WWOX: variants seen among roughly 807,000 people sequenced by gnomAD.
WWOX encodes the protein WW domain containing oxidoreductase.
A neutral mutation model predicts 46.2 loss-of-function variants in WWOX; 69 were observed. The ratio of observed to expected loss-of-function variants is 1.49; its 90% CI spans 1.23 to 1.82. The LOEUF (loss-of-function observed/expected upper bound fraction) is 1.82, where lower values mean the gene tolerates loss of function less well. WWOX is among the 40% of genes most tolerant of loss of function. The probability of loss-of-function intolerance (pLI) is 0.00; values close to 1 mark genes in which losing one functional copy is unlikely to be tolerated. For missense variants in WWOX, 919 were observed against 542.6 expected (o/e 1.69, Z -6.89); for synonymous variants, 359 against 202.6 (o/e 1.77, Z -6.56).
At chr16:78,211,867 G>C (rs1161920633) in intron 5 of WWOX, among the ~76,000 whole-genome samples, 2 of 152,128 alleles carry the variant, frequency 1.3e-5, no homozygotes, top group African/African-American at 4.8e-5. Flanking sequence ...TGGAAAGAAC[G>C]AGGTTCAAAT....
chr16:78,973,864 A>G (rs2151325961), intron 8 of WWOX, among the ~76,000 whole-genome samples: 1 of 152,326 alleles, frequency 6.6e-6, no homozygotes, highest in Non-Finnish European at 1.5e-5. Context: ...TGGAAAACGG[A>G]AATTTCTATC....
rs1324729509 is a variant in WWOX, at chr16:79,212,029, G to A, written c.*233G>A. The A allele has an allele frequency of 1.3e-6, 2 of 1,536,238 alleles. No homozygotes were observed. Among genetic ancestry groups the A allele is most frequent in the African/African-American group, 1.4e-5 (1 of 73,160 alleles). On this transcript the variant is annotated 3_prime_UTR_variant, in exon 9 of 9. Transcript: ENST00000566780. The stretch of plus-strand genomic sequence containing the variant: ...CTAGGCATAGGTCTCTTTGCTTTCT[G>A]GTGGTGGCCTGTTTGAAAGTAAAAA...
At chr16:78,213,683 G>A (rs1294329922) in intron 5 of WWOX, among the ~76,000 whole-genome samples, 1 of 152,070 alleles carries the variant, frequency 6.6e-6, no homozygotes, top group Admixed American at 6.5e-5. Context: ...GATGACATTG[G>A]GGACCAGAGA....
chr16:78,767,498 GT>G (rs1445156398), intron 8 of WWOX, among the ~76,000 whole-genome samples: 3 of 151,670 alleles, frequency 2.0e-5, no homozygotes, highest in Non-Finnish European at 4.4e-5. Context: ...GTGTGTGTGT[GT>G]GTGTGTGTGT....
intron 8 of WWOX, among the ~76,000 whole-genome samples, chr16:79,123,908 C>T (rs1280646937): frequency 6.6e-6 from 1 of 152,140 alleles, no homozygotes; most frequent in Non-Finnish European, 1.5e-5. Flanking sequence ...TTTGATTAAA[C>T]CGATACCCTG....
chr16:78,755,893 C>T (rs987504775), intron 8 of WWOX, among the ~76,000 whole-genome samples: 1 of 152,138 alleles, frequency 6.6e-6, no homozygotes, highest in African/African-American at 2.4e-5. Context: ...ATTACTGTAA[C>T]TTCATAGGAT....
chr16:78,333,909 A>G (rs1371733368), intron 5 of WWOX, among the ~76,000 whole-genome samples: 1 of 151,240 alleles, frequency 6.6e-6, no homozygotes, highest in East Asian at 1.9e-4. Context: ...AAAAGGTATC[A>G]TCTCCTCCCC....
chr16:79,100,562 C>G (rs554690938), intron 8 of WWOX, among the ~76,000 whole-genome samples: 1 of 152,268 alleles, frequency 6.6e-6, no homozygotes, highest in South Asian at 2.1e-4. Flanking sequence ...TGGCTCTGCA[C>G]AGACAGCTCT....
At chr16:78,706,101 A>G (rs1159956748) in intron 8 of WWOX, among the ~76,000 whole-genome samples, 1 of 103,770 alleles carries the variant, frequency 9.6e-6, no homozygotes, top group Non-Finnish European at 1.8e-5. Flanking sequence ...CCCATATTTG[A>G]TGGCAAGTGT....
chr16:78,335,744 T>C (rs1180112369), intron 5 of WWOX, among the ~76,000 whole-genome samples: 3 of 152,176 alleles, frequency 2.0e-5, no homozygotes, highest in Non-Finnish European at 4.4e-5. Flanking sequence ...GACAGACTCA[T>C]GTTCGTGTGG....
chr16:78,572,036 G>A (rs1041453410), intron 8 of WWOX, among the ~76,000 whole-genome samples: 8 of 152,148 alleles, frequency 5.3e-5, no homozygotes, highest in Non-Finnish European at 8.8e-5. Flanking sequence ...TTGGTATTAC[G>A]TAATAAAGTA....
chr16:78,981,326 G>C (rs144027265), intron 8 of WWOX, among the ~76,000 whole-genome samples: 22 of 152,210 alleles, frequency 1.4e-4, no homozygotes, highest in East Asian at 1.2e-3. Flanking sequence ...ATGCTGGGTG[G>C]GGGGGGAAAA....
In WWOX at chr16:78,277,983, C is replaced by A. The variant is rs565789103; in HGVS notation, c.517-108877C>A. ...AAAAAAGTGAATTTCTTTTTGATAA[C>A]CAAGGTGATGATCTTATGAAGTTGA... On this transcript the variant is annotated intron_variant, in intron 5 of 8. Transcript: ENST00000566780. Among the ~76,000 whole-genome samples, 18 of 152,168 alleles carry A rather than the reference C, an allele frequency of 1.2e-4. No individual in the cohort carries two copies. The South Asian group carries it at 3.7e-3, about 32-fold the overall frequency.
intron 8 of WWOX, among the ~76,000 whole-genome samples, chr16:78,440,296 A>T (rs987707728): frequency 6.6e-6 from 1 of 152,156 alleles, no homozygotes; most frequent in Non-Finnish European, 1.5e-5. Context: ...ACCATACCTC[A>T]AGCCACTTCT....
chr16:78,801,715 C>G (rs1313438109), intron 8 of WWOX, among the ~76,000 whole-genome samples: 1 of 152,124 alleles, frequency 6.6e-6, no homozygotes, highest in African/African-American at 2.4e-5. Context: ...CGAGCAGGTG[C>G]ACCCCCATCC....
At chr16:78,458,462 T>C (rs187345462) in intron 8 of WWOX, among the ~76,000 whole-genome samples, 1 of 152,150 alleles carries the variant, frequency 6.6e-6, no homozygotes, top group African/African-American at 2.4e-5. Flanking sequence ...GGTTTCCCTA[T>C]GTTGCCCAGG....
At chr16:78,302,202 C>T (rs1384282491) in intron 5 of WWOX, among the ~76,000 whole-genome samples, 1 of 152,168 alleles carries the variant, frequency 6.6e-6, no homozygotes, top group African/African-American at 2.4e-5. Flanking sequence ...CTCAGGTGAT[C>T]TGCCTGCCTT....
intron 8 of WWOX, among the ~76,000 whole-genome samples, chr16:78,621,018 G>C (rs2046167528): frequency 6.6e-6 from 1 of 152,084 alleles, no homozygotes; most frequent in Non-Finnish European, 1.5e-5. Context: ...AAAGGCTGTT[G>C]AAAGGCTCCT....
chr16:78,595,193 G>A (rs558732227), intron 8 of WWOX, among the ~76,000 whole-genome samples: 1 of 152,352 alleles, frequency 6.6e-6, no homozygotes, highest in African/African-American at 2.4e-5. Context: ...AGCTGCTGCT[G>A]AAATAGATTT....
Sources: allele counts gnomAD v4.1 joint callset (sites outside exome capture counted in the v4.1 genomes callset), GRCh38; gene constraint gnomAD v4.1.1; transcripts MANE v1.5; gene names NCBI Gene and HGNC (gene_info 2026-07-23, HGNC 2026-07-21).